The following GREP1 variants were observed in gnomAD, a reference collection of about 807,000 sequenced individuals.
GREP1 encodes glycine rich extracellular protein 1.
In GREP1 at chr16:2,998,989, G is replaced by A; in HGVS notation, c.1144+10G>A. The A allele has an allele frequency of 2.5e-6, 1 of 399,172 alleles. No homozygotes were observed. The highest frequency in any genetic ancestry group is 1.3e-4 in the South Asian group (1 of 7,848). 24.7% of individuals were successfully genotyped at this position (399,172 alleles called of 1,614,324 possible). On this transcript the variant is annotated intron_variant, in intron 26 of 34. Coordinates refer to ENST00000573315, the Ensembl canonical transcript of GREP1. ...AATGGCAAGTTACCAGGTCAGTGTG[G>A]AGTGGGGGTGCCTAGGGGGCACTGG...
Position 2,988,351 on chromosome 16 carries a change from C to T in GREP1, c.67+8C>T, listed in dbSNP as rs901078238. 3 of 399,168 alleles carry T rather than the reference C, an allele frequency of 7.5e-6. No individual in the cohort carries two copies. The highest frequency in any genetic ancestry group is 6.2e-5 in the African/African-American group (3 of 48,640). The allele number at this position is 399,168 out of a possible 1,614,324, so 24.7% of individuals were successfully genotyped here. A position where few individuals can be genotyped will look rare whatever the true frequency, so the allele number is the denominator to read the frequency against. ...CCGAGAGCCTGCAAGGTGGTGAGGG[C>T]AGCTTGGGGCTGGGGGTTGGAGAAT... On this transcript the variant is annotated splice_region_variant and intron_variant, in intron 1 of 34. Transcript: ENST00000573315.
exon 18 of GREP1, chr16:2,995,863 G>C: frequency 2.5e-6 from 1 of 398,370 alleles, no homozygotes; most frequent in Non-Finnish European, 4.4e-6. Context: ...CCAGGATATG[G>C]GAAAAGGCTG....
At chr16:2,990,672 C>T (rs1456526037) in intron 7 of GREP1, 85 bp downstream of exon 6, 1 of 398,380 alleles carries the variant, frequency 2.5e-6, no homozygotes, top group Admixed American at 4.4e-5. Flanking sequence ...GGGAATGCAG[C>T]CAGATCGGTG....
At position 2,989,227 on chromosome 16, in the gene GREP1, C is replaced by A; in HGVS notation, c.101-296C>A. 1 of 365,434 alleles carries A rather than the reference C, an allele frequency of 2.7e-6. No homozygotes were observed. Among genetic ancestry groups the A allele is most frequent in the Non-Finnish European group, 4.9e-6 (1 of 205,338 alleles). 22.6% of individuals were successfully genotyped at this position (365,434 alleles called of 1,614,324 possible). A position where few individuals can be genotyped will look rare whatever the true frequency, so the allele number is the denominator to read the frequency against. On this transcript the variant is annotated intron_variant, in intron 2 of 34. Coordinates refer to ENST00000573315, the Ensembl canonical transcript of GREP1. This position sits in a 1 kb window ranked among gnomAD's most constrained non-coding sequence, Gnocchi z 4.2. Reference sequence around the variant, plus strand: ...CCAGAGCCCTGGCTCAGACACCTTCCTCCAGGCCCAGGGGCCCTCTAGCCT... The same window carrying A: ...CCAGAGCCCTGGCTCAGACACCTTCATCCAGGCCCAGGGGCCCTCTAGCCT...
rs1205496961 is a variant in GREP1 at position 3,000,119 on chromosome 16, G to T, written c.1264+1G>T. On this transcript the variant is annotated splice_donor_variant, in intron 29 of 34. Transcript: ENST00000573315. LOFTEE classifies it high-confidence loss of function. Reference sequence around the variant, plus strand: ...GGTGGCCTCGAGCCACAGAAAATTGGTGAGTCCTCCTGGGCCCCCGACCCA... The same window carrying T: ...GGTGGCCTCGAGCCACAGAAAATTGTTGAGTCCTCCTGGGCCCCCGACCCA... 9.3e-5 allele frequency: 37 copies of T among 398,974 alleles called. No homozygotes were observed. The highest frequency in any genetic ancestry group is 4.4e-6 in the Non-Finnish European group (1 of 226,130). The allele number at this position is 398,974 out of a possible 1,614,324, so 24.7% of individuals were successfully genotyped here. A position where few individuals can be genotyped will look rare whatever the true frequency, so the allele number is the denominator to read the frequency against.
chr16:2,993,883 C>G (rs2023874), intron 10 of GREP1: 152,051 of 152,244 alleles, frequency 1, 75,929 homozygotes, highest in Middle Eastern at 1. Context: ...TGGCGTGAAC[C>G]CAGGAGGCGG....
Position 2,995,779 on chromosome 16 carries a change from C to T in GREP1, c.622+8C>T. On this transcript the variant is annotated splice_region_variant and intron_variant, in intron 17 of 34. Coordinates refer to ENST00000573315, the Ensembl canonical transcript of GREP1. Reference sequence around the variant, plus strand: ...TGAAGCCTCTGAAGCCAGGTGAGCCCCGCCCGCCCTGGTCTGCCTCTCTAT... The same window carrying T: ...TGAAGCCTCTGAAGCCAGGTGAGCCTCGCCCGCCCTGGTCTGCCTCTCTAT... The T allele has an allele frequency of 2.5e-6, 1 of 398,690 alleles. No homozygotes were observed. Among genetic ancestry groups the T allele is most frequent in the Non-Finnish European group, 4.4e-6 (1 of 226,140 alleles). 24.7% of individuals were successfully genotyped at this position (398,690 alleles called of 1,614,324 possible). A position where few individuals can be genotyped will look rare whatever the true frequency, so the allele number is the denominator to read the frequency against.
At chr16:2,995,055 G>A (rs576940633) in intron 13 of GREP1, 93 bp downstream of exon 14, 26 of 398,426 alleles carry the variant, frequency 6.5e-5, no homozygotes, top group South Asian at 1.4e-4. Context: ...GAGGGGTGAC[G>A]GGGCGTCTCC....
At chr16:3,000,736 C>A in exon 33 of GREP1, 1 of 399,000 alleles carries the variant, frequency 2.5e-6, no homozygotes, top group Middle Eastern at 6.3e-4. Context: ...TGCTGTGGAA[C>A]TCTCGCTGGC....
chr16:2,999,421 C>T (rs2072446147), intron 27 of GREP1: 1 of 394,086 alleles, frequency 2.5e-6, no homozygotes, highest in South Asian at 1.3e-4. Flanking sequence ...CCTAGGCTGC[C>T]TAAGCTATTC....
At chr16:2,998,912 G>A (rs1020301435) in exon 26 of GREP1, 5 of 399,016 alleles carry the variant, frequency 1.3e-5, no homozygotes, top group African/African-American at 6.2e-5. Context: ...GGGTCCCTTC[G>A]GACAAAGAGG....
At position 2,992,707 on chromosome 16, in the gene GREP1, A is replaced by C; in HGVS notation, c.323-98A>C. 2.5e-6 allele frequency: 1 copy of C among 397,486 alleles called. No homozygotes were observed. The highest frequency in any genetic ancestry group is 4.4e-6 in the Non-Finnish European group (1 of 225,468). 24.6% of individuals were successfully genotyped at this position (397,486 alleles called of 1,614,324 possible). On this transcript the variant is annotated intron_variant, in intron 8 of 34. Transcript: ENST00000573315. This position sits in a 1 kb window ranked among gnomAD's most constrained non-coding sequence, Gnocchi z 4.9. ...CACACAAGACAGAAAGGCAGAGGGCAGGGGTCACGCGAGACAGAAAGGGAG... is the reference window on the plus strand; with the variant it reads ...CACACAAGACAGAAAGGCAGAGGGCCGGGGTCACGCGAGACAGAAAGGGAG...
At chr16:3,001,414 C>G (rs968035713) in intron 34 of GREP1, 80 bp downstream of exon 28, 2 of 399,002 alleles carry the variant, frequency 5.0e-6, no homozygotes, top group African/African-American at 4.1e-5. Flanking sequence ...GGGGGACACC[C>G]AGCCCTTGGG....
chr16:2,990,876 C>A (rs2151090647), intron 7 of GREP1, among the ~76,000 whole-genome samples, 172 bp from the exon 7 acceptor site: 1 of 152,216 alleles, frequency 6.6e-6, no homozygotes, highest in Middle Eastern at 3.4e-3. Context: ...GGAGGTGGGG[C>A]CCCTTCATCT....
chr16:2,988,831 A>T, intron 2 of GREP1: 1 of 392,924 alleles, frequency 2.5e-6, no homozygotes, highest in Non-Finnish European at 4.5e-6. Context: ...GGGGCAGAAC[A>T]TGCAGCCCTG....
chr16:2,996,751 G>A, intron 20 of GREP1, 46 bp downstream of exon 19: 2 of 398,844 alleles, frequency 5.0e-6, no homozygotes, highest in East Asian at 3.6e-5. Flanking sequence ...CCTAGATCCT[G>A]GTGTTCTAGC....
intron 10 of GREP1, chr16:2,993,213 G>C (rs1027360465): frequency 3.0e-6 from 1 of 332,306 alleles, no homozygotes; most frequent in Non-Finnish European, 5.4e-6. Flanking sequence ...TGAGCAGAGA[G>C]GAAGGGATGG....
chr16:2,988,746 C>T (rs536697953), intron 2 of GREP1, 124 bp downstream of exon 2: 93 of 398,204 alleles, frequency 2.3e-4, no homozygotes, highest in Non-Finnish European at 3.9e-4. Flanking sequence ...TGCTGTCTTC[C>T]GGGCAGGGAG....
At chr16:2,999,282 C>A (rs2072445145) in exon 27 of GREP1, 2 of 398,736 alleles carry the variant, frequency 5.0e-6, no homozygotes, top group South Asian at 1.3e-4. Flanking sequence ...CCAGTGGGGA[C>A]TGAAACCTCA....
Sources: allele counts gnomAD v4.1 joint callset (sites outside exome capture counted in the v4.1 genomes callset), GRCh38; gene constraint gnomAD v4.1.1; non-coding constraint Gnocchi (gnomAD v3.1); transcripts MANE v1.5; gene names NCBI Gene and HGNC (gene_info 2026-07-23, HGNC 2026-07-21).